Variants in PTPRK observed in about 807,000 individuals in gnomAD.
The protein encoded by PTPRK is receptor-type tyrosine-protein phosphatase kappa.
A neutral mutation model predicts 178.0 loss-of-function variants in PTPRK; 75 were observed. The observed-to-expected ratio is 0.42, with a 90% CI of 0.35 to 0.51. The LOEUF is 0.51. PTPRK is among the 20% of genes least tolerant of loss of function. PTPRK has a pLI of 0.02. For missense variants in PTPRK, 1,441 were observed against 1,797.8 expected (o/e 0.80, Z 3.59); for synonymous variants, 637 against 620.6 (o/e 1.03, Z -0.39).
At chr6:128,141,380 G>A (rs1411265791) in intron 7 of PTPRK, among the ~76,000 whole-genome samples, 3 of 151,630 alleles carry the variant, frequency 2.0e-5, no homozygotes, top group East Asian at 1.9e-4. Context: ...AACACGGAAC[G>A]AATCATTATA....
At chr6:128,161,045 T>C (rs946584742) in intron 7 of PTPRK, among the ~76,000 whole-genome samples, 2 of 151,638 alleles carry the variant, frequency 1.3e-5, no homozygotes, top group East Asian at 1.9e-4. Context: ...TTGTATTCTC[T>C]TCCACCTCTA....
intron 4 of PTPRK, among the ~76,000 whole-genome samples, chr6:128,242,195 TTC>T (rs1814594065): frequency 6.6e-6 from 1 of 152,168 alleles, no homozygotes; most frequent in Admixed American, 6.5e-5. Context: ...TTTGCTATTC[TTC>T]TCTGTTTTTC....
chr6:128,473,366 T>C (rs1484443087), intron 1 of PTPRK, among the ~76,000 whole-genome samples: 2 of 151,738 alleles, frequency 1.3e-5, no homozygotes, highest in South Asian at 2.1e-4. Flanking sequence ...CTCAGTGATA[T>C]TAATTTTGAC....
chr6:128,425,163 C>T (rs1382062047), intron 1 of PTPRK, among the ~76,000 whole-genome samples: 1 of 151,450 alleles, frequency 6.6e-6, no homozygotes, highest in African/African-American at 2.4e-5. Flanking sequence ...CTGCAACCTC[C>T]GCCTCCCGGG....
intron 2 of PTPRK, among the ~76,000 whole-genome samples, chr6:128,344,310 C>T (rs966001376): frequency 1.1e-4 from 17 of 152,294 alleles, no homozygotes; most frequent in East Asian, 9.6e-4. Context: ...CTCCCATCAC[C>T]ATTTAGTAAA....
At chr6:128,104,928 T>C (rs1789431213) in intron 7 of PTPRK, among the ~76,000 whole-genome samples, 1 of 152,176 alleles carries the variant, frequency 6.6e-6, no homozygotes, top group Admixed American at 6.5e-5. Context: ...GTGAAAAGTC[T>C]TGGACAGAAG....
At chr6:128,044,090 C>T (rs1260961617) in intron 13 of PTPRK, among the ~76,000 whole-genome samples, 4 of 151,986 alleles carry the variant, frequency 2.6e-5, no homozygotes, top group Non-Finnish European at 1.5e-5. Context: ...TCAAATCCAA[C>T]ATTTTCAATC....
rs533098397 is a variant in PTPRK, at chr6:128,184,586, G to T, written c.1008C>A (p.Ser336=). ...KEVEYRMTSG[S]WTETHAVNAP... ...CATTGACTGCATGGGTTTCTGTCCA[G>T]GATCCTGATGTCATTCGGTACTCTA... The change falls in exon 7 of 30, where the codon TCC becomes TCA. Residue 336 remains serine (S), a synonymous_variant. Transcript: ENST00000368226. The T allele has an allele frequency of 6.2e-7, 1 of 1,613,992 alleles. No individual in the cohort carries two copies. The highest frequency in any genetic ancestry group is 8.5e-7 in the Non-Finnish European group (1 of 1,179,948).
At chr6:128,017,518 G>A (rs913959333) in intron 13 of PTPRK, among the ~76,000 whole-genome samples, 1 of 151,430 alleles carries the variant, frequency 6.6e-6, no homozygotes, top group African/African-American at 2.4e-5. Context: ...CAGTAGCTAT[G>A]AGGTGTCTCA....
intron 6 of PTPRK, among the ~76,000 whole-genome samples, chr6:128,213,322 C>A (rs923974769): frequency 7.9e-5 from 12 of 151,708 alleles, no homozygotes; most frequent in Non-Finnish European, 1.6e-4. Flanking sequence ...TCAAGGGGAG[C>A]AAAGTAAAAT....
intron 5 of PTPRK, among the ~76,000 whole-genome samples, chr6:128,227,087 A>G (rs1241992511): frequency 6.6e-6 from 1 of 152,196 alleles, no homozygotes; most frequent in Non-Finnish European, 1.5e-5. Context: ...CTCCTAATCA[A>G]GTATCTATGG....
chr6:128,189,748 C>A (rs927864381), intron 6 of PTPRK, among the ~76,000 whole-genome samples: 4 of 152,058 alleles, frequency 2.6e-5, no homozygotes, highest in Non-Finnish European at 1.5e-5. Context: ...ATTTCCCTCA[C>A]TAAAATTTTT....
intron 3 of PTPRK, among the ~76,000 whole-genome samples, chr6:128,308,661 G>T (rs1032602315): frequency 6.6e-6 from 1 of 152,080 alleles, no homozygotes; most frequent in African/African-American, 2.4e-5. Context: ...AATTTTCGAC[G>T]CATGAAAGGA....
intron 5 of PTPRK, among the ~76,000 whole-genome samples, chr6:128,226,505 TGA>T (rs551239813): frequency 1.8e-3 from 271 of 152,072 alleles, no homozygotes; most frequent in Non-Finnish European, 3.1e-3. Context: ...CTAGATAGTC[TGA>T]GTGGACTGGA....
intron 6 of PTPRK, among the ~76,000 whole-genome samples, chr6:128,203,278 A>G (rs1274154362): frequency 6.6e-6 from 1 of 152,192 alleles, no homozygotes; most frequent in Non-Finnish European, 1.5e-5. Context: ...TCAAAACAGT[A>G]ACAGCCATAT....
intron 6 of PTPRK, among the ~76,000 whole-genome samples, chr6:128,192,149 A>G (rs1165000457): frequency 1.3e-5 from 2 of 152,226 alleles, no homozygotes; most frequent in Non-Finnish European, 2.9e-5. Context: ...CTTGATCAAA[A>G]TAATCAGTGA....
At chr6:128,192,280 C>G (rs1188027223) in intron 6 of PTPRK, among the ~76,000 whole-genome samples, 1 of 151,992 alleles carries the variant, frequency 6.6e-6, no homozygotes, top group Non-Finnish European at 1.5e-5. Flanking sequence ...CAGCAACCAC[C>G]AAAAGCAAAA....
At chr6:128,432,044 C>T (rs951655672) in intron 1 of PTPRK, among the ~76,000 whole-genome samples, 2 of 152,112 alleles carry the variant, frequency 1.3e-5, no homozygotes, top group Non-Finnish European at 1.5e-5. Context: ...AGAAAAAGCA[C>T]GGTTGAAAAT....
intron 28 of PTPRK, 52 bp from the exon 29 acceptor site, chr6:127,973,209 A>G (rs1009397433): frequency 1.2e-6 from 2 of 1,606,610 alleles, no homozygotes; most frequent in African/African-American, 2.7e-5. Flanking sequence ...AAGTGACCAC[A>G]GGTCACACCA....
Sources: allele counts gnomAD v4.1 joint callset (sites outside exome capture counted in the v4.1 genomes callset), GRCh38; gene constraint gnomAD v4.1.1; transcripts MANE v1.5; gene names NCBI Gene and HGNC (gene_info 2026-07-23, HGNC 2026-07-21).